HYDIN: variants seen among roughly 807,000 people sequenced by gnomAD.
HYDIN encodes the protein HYDIN axonemal central pair apparatus protein, also known as axonemal central pair apparatus protein HYDIN.
Under a neutral mutation model 403.9 loss-of-function variants are expected in HYDIN, and 132 were observed. That is an observed-to-expected ratio of 0.33 (90% CI 0.28 to 0.38). The LOEUF (loss-of-function observed/expected upper bound fraction) is 0.38. Among genes scored for constraint, HYDIN ranks in the 10% least tolerant of loss-of-function variants. HYDIN has a pLI of 1.00. For synonymous variants in HYDIN, 1,202 were observed against 1,891.7 expected (o/e 0.64, Z 9.46); for missense variants, 2,827 against 5,009.5 (o/e 0.56, Z 13.15).
intron 43 of HYDIN, among the ~76,000 whole-genome samples, chr16:70,940,873 C>T (rs1443551999): frequency 2.0e-5 from 3 of 152,198 alleles, no homozygotes; most frequent in East Asian, 1.9e-4. Context: ...TGGCTGGAGC[C>T]GAAGCTCCTG....
intron 18 of HYDIN, among the ~76,000 whole-genome samples, chr16:71,034,283 A>T (rs987796860): frequency 1.3e-5 from 2 of 151,984 alleles, no homozygotes; most frequent in Non-Finnish European, 2.9e-5. Flanking sequence ...GTAAAAACAC[A>T]TGTAGCTCTA....
chr16:70,925,914 T>C (rs1391352322), intron 45 of HYDIN, among the ~76,000 whole-genome samples: 125 of 149,734 alleles, frequency 8.3e-4, no homozygotes, highest in Non-Finnish European at 1.6e-3. Flanking sequence ...CAATGAGATA[T>C]CATCTCACAC....
chr16:70,824,360 A>G (rs1206078929), intron 83 of HYDIN, among the ~76,000 whole-genome samples: 3 of 152,050 alleles, frequency 2.0e-5, no homozygotes, highest in African/African-American at 7.2e-5. Flanking sequence ...ATTCCTCCAG[A>G]ATGAGGAAAT....
intron 1 of HYDIN, among the ~76,000 whole-genome samples, chr16:71,197,466 G>A (rs978115883): frequency 6.6e-6 from 1 of 152,186 alleles, no homozygotes; most frequent in Non-Finnish European, 1.5e-5. Flanking sequence ...GTTTGATTGA[G>A]CAGGTGATAA....
At chr16:70,913,256 T>C (rs1311291257) in intron 47 of HYDIN, among the ~76,000 whole-genome samples, 1 of 152,184 alleles carries the variant, frequency 6.6e-6, no homozygotes, top group Non-Finnish European at 1.5e-5. Context: ...TTCAGTCTTT[T>C]TGATGTGGGC....
At chr16:70,853,951 C>T (rs1597129151) in intron 73 of HYDIN, among the ~76,000 whole-genome samples, 2 of 144,006 alleles carry the variant, frequency 1.4e-5, no homozygotes, top group African/African-American at 5.5e-5. Context: ...GTAATCTTGG[C>T]TCACTGCAAC....
chr16:71,158,738 G>T (rs576616693), intron 6 of HYDIN, among the ~76,000 whole-genome samples: 1 of 148,078 alleles, frequency 6.8e-6, no homozygotes, highest in East Asian at 2.0e-4. Flanking sequence ...CTGGAGTGCA[G>T]TGGCATGATC....
Position 70,959,664 on chromosome 16 carries a change from T to G in HYDIN, c.6125A>C (p.His2042Pro). Residue 2042 changes from histidine (H) to proline (P), a missense_variant, in exon 39 of 86, where the codon CAT (histidine) becomes CCT (proline). His to Pro is a moderately conservative substitution (Grantham distance 77). Transcript: ENST00000393567. ...KNRKGIAIII[H>P]GTPLSGKSAN... ...TTGCCTACCTGACAAGGGTGTCCCA[T>G]GAATGATAATGGCGATGCCTTTCCG... is the stretch of plus-strand genomic sequence containing the variant. 5 of 1,316,838 alleles carry G rather than the reference T, an allele frequency of 3.8e-6. 2 individuals carry two copies. The highest frequency in any genetic ancestry group is 3.0e-6 in the Non-Finnish European group (3 of 1,008,634). 81.6% of individuals were successfully genotyped at this position (1,316,838 alleles called of 1,614,324 possible).
intron 56 of HYDIN, 39 bp downstream of exon 56, chr16:70,892,322 C>T: frequency 1.3e-6 from 2 of 1,565,768 alleles, no homozygotes; most frequent in Non-Finnish European, 1.7e-6. Context: ...TCGTACGATC[C>T]TGCCATTGAG....
At chr16:71,139,079 T>A (rs1293873123) in intron 7 of HYDIN, among the ~76,000 whole-genome samples, 2 of 132,690 alleles carry the variant, frequency 1.5e-5, no homozygotes, top group Non-Finnish European at 3.0e-5. Flanking sequence ...AGCAAAACTC[T>A]GTCTCAAATA....
chr16:71,033,971 A>G (rs2081002042), intron 18 of HYDIN, among the ~76,000 whole-genome samples: 1 of 152,136 alleles, frequency 6.6e-6, no homozygotes, highest in South Asian at 2.1e-4. Context: ...GAGAGTATTT[A>G]GATGCTTCCA....
chr16:71,020,422 C>A, intron 21 of HYDIN, 105 bp from the exon 22 acceptor site: 2 of 1,426,238 alleles, frequency 1.4e-6, no homozygotes, highest in African/African-American at 1.4e-5. Flanking sequence ...AGCAATCTTT[C>A]TTTTTCTTTG....
At chr16:71,163,075 C>T (rs868562681) in intron 5 of HYDIN, among the ~76,000 whole-genome samples, 2 of 151,390 alleles carry the variant, frequency 1.3e-5, no homozygotes, top group Middle Eastern at 6.9e-3. Flanking sequence ...GTCCTCCTTC[C>T]AAACCCTAGT....
chr16:70,823,532 T>G (rs1234365981), intron 83 of HYDIN, among the ~76,000 whole-genome samples: 1 of 119,050 alleles, frequency 8.4e-6, no homozygotes. Flanking sequence ...CTTCTGGCTT[T>G]TCTAGTATTT....
intron 84 of HYDIN, among the ~76,000 whole-genome samples, chr16:70,813,874 C>G (rs1345258111): frequency 6.6e-6 from 1 of 151,868 alleles, no homozygotes; most frequent in Admixed American, 6.6e-5. Flanking sequence ...TCAAACCTTA[C>G]TCTAAGTAGG....
chr16:70,872,648 T>C (rs1389422403), intron 64 of HYDIN, among the ~76,000 whole-genome samples: 4 of 116,054 alleles, frequency 3.4e-5, no homozygotes, highest in Admixed American at 8.5e-5. Flanking sequence ...CTCGCATCCA[T>C]CCATCATCCA....
intron 47 of HYDIN, among the ~76,000 whole-genome samples, chr16:70,911,992 G>C (rs1160608511): frequency 6.6e-6 from 1 of 151,748 alleles, no homozygotes; most frequent in Non-Finnish European, 1.5e-5. Flanking sequence ...TCTTTTGTCA[G>C]TTCTAGGATC....
intron 5 of HYDIN, among the ~76,000 whole-genome samples, chr16:71,168,778 T>G (rs1365398216): frequency 6.6e-6 from 1 of 152,160 alleles, no homozygotes; most frequent in Non-Finnish European, 1.5e-5. Flanking sequence ...CCAGGTGCCT[T>G]GGAGTCCTAC....
chr16:70,886,996 C>T (rs113738498), intron 58 of HYDIN, among the ~76,000 whole-genome samples: 1 of 152,102 alleles, frequency 6.6e-6, no homozygotes, highest in African/African-American at 2.4e-5. Flanking sequence ...GTCCCACCCT[C>T]TTTTGTAACT....
Sources: allele counts gnomAD v4.1 joint callset (sites outside exome capture counted in the v4.1 genomes callset), GRCh38; gene constraint gnomAD v4.1.1; transcripts MANE v1.5; gene names NCBI Gene and HGNC (gene_info 2026-07-23, HGNC 2026-07-21).